The following WWC2 variants were observed in gnomAD, a reference collection of about 807,000 sequenced individuals.
WWC2 encodes protein WWC2.
In WWC2, 101 loss-of-function variants were observed where a neutral mutation model predicts 138.5. The ratio of observed to expected loss-of-function variants is 0.73; its 90% CI spans 0.62 to 0.86. The LOEUF (loss-of-function observed/expected upper bound fraction) is 0.86, where lower values mean the gene tolerates loss of function less well. Among genes scored for constraint, WWC2 ranks in the 40% least tolerant of loss-of-function variants. WWC2 has a pLI of 0.00. For missense variants in WWC2, 1,420 were observed against 1,419.4 expected, an observed-to-expected ratio of 1.00 and a Z score of -0.01; for synonymous variants, 558 against 538.4, an observed-to-expected ratio of 1.04 and a Z score of -0.50.
intron 11 of WWC2, among the ~76,000 whole-genome samples, chr4:183,264,663 C>T (rs1019498123): frequency 6.6e-6 from 1 of 152,160 alleles, no homozygotes; most frequent in Admixed American, 6.5e-5. Flanking sequence ...TATATGAACA[C>T]TGCAGTGAAT....
intron 5 of WWC2, among the ~76,000 whole-genome samples, chr4:183,245,206 G>A (rs575369411): frequency 1.3e-4 from 18 of 137,876 alleles, no homozygotes; most frequent in Non-Finnish European, 1.7e-4. Context: ...CAGCCTGGGC[G>A]ACAGAACAAG....
chr4:183,221,852 C>A (rs77613838), intron 4 of WWC2, among the ~76,000 whole-genome samples: 4,851 of 152,178 alleles, frequency 0.032, 245 homozygotes, highest in African/African-American at 0.11. Context: ...CGATTTCTTA[C>A]AAAGTTAAAC....
chr4:183,232,561 A>T (rs1353650191), intron 4 of WWC2, among the ~76,000 whole-genome samples: 2 of 152,294 alleles, frequency 1.3e-5, no homozygotes, highest in South Asian at 4.1e-4. Context: ...TTCACTTGGC[A>T]TGTGTTTTCA....
chr4:183,294,347 T>G (rs752019130), intron 21 of WWC2, among the ~76,000 whole-genome samples: 4 of 152,196 alleles, frequency 2.6e-5, no homozygotes, highest in Admixed American at 6.5e-5. Flanking sequence ...GCCAAGGTAC[T>G]TTGGAAAAGA....
At chr4:183,145,405 A>T (rs1733425101) in intron 1 of WWC2, among the ~76,000 whole-genome samples, 1 of 152,208 alleles carries the variant, frequency 6.6e-6, no homozygotes. Context: ...AAAAATAGTT[A>T]TCCATATTAT....
chr4:183,320,222 A>T lies in WWC2; in HGVS notation c.*4493A>T, dbSNP rs996099359. The T allele has an allele frequency of 6.2e-7, 1 of 1,611,176 alleles. No individual in the cohort carries two copies. The highest frequency in any genetic ancestry group is 1.1e-5 in the South Asian group (1 of 90,616). On this transcript the variant is annotated 3_prime_UTR_variant, in exon 23 of 23. Transcript: ENST00000403733. ...CAGTTCTAAATACTAAAGCCATTAT[A>T]ATGTCCTGAGAGCTTTAGCCAAACT...
chr4:183,248,631 C>T (rs1006856596), intron 6 of WWC2, 83 bp from the exon 7 acceptor site: 12 of 1,390,846 alleles, frequency 8.6e-6, no homozygotes, highest in Non-Finnish European at 1.2e-5. Flanking sequence ...GAGATTAGCT[C>T]TTTCCTTTTA....
chr4:183,196,163 G>C lies in WWC2; in HGVS notation c.241+2455G>C, dbSNP rs1192886545. ...CTCCCCAGGAGCCCAGTAGACACTG[G>C]GGCCGTGCTTGTATATCCTGCAGAA... is the stretch of plus-strand genomic sequence containing the variant. On this transcript the variant is annotated intron_variant, in intron 2 of 22. Transcript: ENST00000403733. Among the ~76,000 whole-genome samples, 3 of 152,136 alleles carry C rather than the reference G, an allele frequency of 2.0e-5. No individual in the cohort carries two copies. In the East Asian group the frequency reaches 5.8e-4, roughly 29 times the overall value.
chr4:183,193,895 C>A (rs1351044075), intron 2 of WWC2, among the ~76,000 whole-genome samples, 187 bp downstream of exon 2: 1 of 152,124 alleles, frequency 6.6e-6, no homozygotes, highest in African/African-American at 2.4e-5. Context: ...CTTATGGGGG[C>A]GGAGAGGGAG....
At chr4:183,257,680 G>T (rs1374111059) in intron 9 of WWC2, among the ~76,000 whole-genome samples, 1 of 152,164 alleles carries the variant, frequency 6.6e-6, no homozygotes, top group Non-Finnish European at 1.5e-5. Context: ...GGATTCTGAG[G>T]AAGACTTCAG....
chr4:183,201,964 G>A (rs994258377), intron 2 of WWC2, among the ~76,000 whole-genome samples: 3 of 152,148 alleles, frequency 2.0e-5, no homozygotes, highest in Non-Finnish European at 4.4e-5. Flanking sequence ...AAGGGAAGGG[G>A]GCATACTACA....
At chr4:183,153,358 C>T (rs1471407865) in intron 1 of WWC2, among the ~76,000 whole-genome samples, 1 of 152,144 alleles carries the variant, frequency 6.6e-6, no homozygotes, top group African/African-American at 2.4e-5. Context: ...ACTTAGTCCT[C>T]TTTGCTTCAC....
At chr4:183,181,805 A>G (rs1734641582) in intron 1 of WWC2, among the ~76,000 whole-genome samples, 1 of 152,200 alleles carries the variant, frequency 6.6e-6, no homozygotes, top group South Asian at 2.1e-4. Context: ...AAGTTTATAC[A>G]TGGACTGAAA....
intron 1 of WWC2, among the ~76,000 whole-genome samples, chr4:183,121,576 G>T (rs1336822681): frequency 6.6e-6 from 1 of 152,004 alleles, no homozygotes; most frequent in Admixed American, 6.6e-5. Context: ...TTGATAGATT[G>T]TTTCAAATTG....
At chr4:183,170,041 C>T (rs1256951133) in intron 1 of WWC2, among the ~76,000 whole-genome samples, 2 of 152,096 alleles carry the variant, frequency 1.3e-5, no homozygotes, top group Non-Finnish European at 2.9e-5. Flanking sequence ...AGTAGGTTTT[C>T]AAGTTACTTG....
chr4:183,165,926 G>T (rs4241762), intron 1 of WWC2, among the ~76,000 whole-genome samples: 149,709 of 152,324 alleles, frequency 0.98, 73,615 homozygotes, highest in Middle Eastern at 1. Flanking sequence ...ATGACAAAGT[G>T]TCTCATTTAT....
At chr4:183,131,153 G>C (rs1732913442) in intron 1 of WWC2, among the ~76,000 whole-genome samples, 1 of 152,036 alleles carries the variant, frequency 6.6e-6, no homozygotes, top group Non-Finnish European at 1.5e-5. Context: ...AATGGTATTG[G>C]CCATCTATAT....
chr4:183,245,179 A>T (rs1244800375), intron 5 of WWC2, among the ~76,000 whole-genome samples: 8 of 149,216 alleles, frequency 5.4e-5, no homozygotes, highest in African/African-American at 1.7e-4. Context: ...GTGAGCTGAG[A>T]TCACGCCACT....
chr4:183,106,405 T>C (rs1263854710), intron 1 of WWC2, among the ~76,000 whole-genome samples: 3 of 152,016 alleles, frequency 2.0e-5, no homozygotes, highest in African/African-American at 7.2e-5. Context: ...ATTTTATCTT[T>C]ATTAGATTAA....
Sources: gnomAD v4.1 joint callset for allele counts (sites outside exome capture counted in the v4.1 genomes callset) on GRCh38, gnomAD v4.1.1 for gene constraint, MANE v1.5 for transcripts, NCBI Gene and HGNC (gene_info 2026-07-23, HGNC 2026-07-21) for gene names.